Variants in TRPM6 observed in about 807,000 individuals in gnomAD.
TRPM6 encodes transient receptor potential cation channel subfamily M member 6, also known as channel kinase 2.
Under a neutral mutation model 247.6 loss-of-function variants are expected in TRPM6, and 111 were observed. The ratio of observed to expected loss-of-function variants is 0.45; its 90% CI spans 0.38 to 0.52. The LOEUF is 0.52. Among genes scored for constraint, TRPM6 ranks in the 20% least tolerant of loss-of-function variants. TRPM6 has a pLI of 0.00. For missense variants in TRPM6, 2,126 were observed against 2,421.5 expected, an observed-to-expected ratio of 0.88 and a Z score of 2.56; for synonymous variants, 892 against 853.8, an observed-to-expected ratio of 1.04 and a Z score of -0.78.
chr9:74,816,577 C>T (rs1828939378), intron 11 of TRPM6, 92 bp downstream of exon 11: 34 of 1,041,096 alleles, frequency 3.3e-5, no homozygotes, highest in East Asian at 5.0e-5. Context: ...TCTACCAAAC[C>T]AATCAATATC....
intron 3 of TRPM6, among the ~76,000 whole-genome samples, chr9:74,854,795 C>T (rs1409111132): frequency 6.6e-6 from 1 of 152,190 alleles, no homozygotes; most frequent in Non-Finnish European, 1.5e-5. Flanking sequence ...TTCCAAGTAG[C>T]TGAGTATACA....
chr9:74,766,801 T>C (rs1327868596), intron 25 of TRPM6, among the ~76,000 whole-genome samples: 2 of 151,102 alleles, frequency 1.3e-5, no homozygotes, highest in Non-Finnish European at 2.9e-5. Context: ...TCCCAGCTAC[T>C]GGGGAGGGTG....
At chr9:74,837,149 T>C (rs1033572309) in intron 5 of TRPM6, among the ~76,000 whole-genome samples, 4 of 152,228 alleles carry the variant, frequency 2.6e-5, no homozygotes, top group Non-Finnish European at 5.9e-5. Context: ...TGGCATTCAA[T>C]TTAAGTAAAT....
chr9:74,863,877 C>T (rs1267404694), intron 1 of TRPM6, among the ~76,000 whole-genome samples: 7 of 141,428 alleles, frequency 4.9e-5, no homozygotes, highest in East Asian at 4.6e-4. Flanking sequence ...TGAGCCACCG[C>T]GCCCGGCAAC....
intron 24 of TRPM6, 100 bp downstream of exon 24, chr9:74,775,783 C>A: frequency 8.3e-7 from 1 of 1,199,968 alleles, no homozygotes; most frequent in Non-Finnish European, 1.2e-6. Context: ...ACTCCCAGAG[C>A]CCCACAGTGC....
chr9:74,884,202 T>C (rs1831454755), intron 1 of TRPM6, among the ~76,000 whole-genome samples: 1 of 151,162 alleles, frequency 6.6e-6, no homozygotes, highest in African/African-American at 2.4e-5. Context: ...AATAAATACA[T>C]ATGTATGGCC....
At chr9:74,731,187 C>G (rs968128127) in intron 37 of TRPM6, among the ~76,000 whole-genome samples, 9 of 152,102 alleles carry the variant, frequency 5.9e-5, no homozygotes, top group African/African-American at 2.2e-4. Context: ...ATAGAATATT[C>G]AGGTCATATT....
intron 1 of TRPM6, among the ~76,000 whole-genome samples, chr9:74,861,341 G>A (rs1830684695): frequency 6.6e-6 from 1 of 152,114 alleles, no homozygotes. Flanking sequence ...ATAAAAAGGA[G>A]GAAACAGATA....
intron 23 of TRPM6, among the ~76,000 whole-genome samples, chr9:74,777,243 T>G (rs753074083): frequency 5.3e-5 from 8 of 152,318 alleles, no homozygotes; most frequent in Non-Finnish European, 1.0e-4. Context: ...ACAACAGCCT[T>G]CCACCAGCAG....
intron 19 of TRPM6, among the ~76,000 whole-genome samples, chr9:74,790,518 C>T (rs907075273): frequency 6.6e-6 from 1 of 152,188 alleles, no homozygotes; most frequent in African/African-American, 2.4e-5. Flanking sequence ...TCTCCTTATA[C>T]TGATTCCTTA....
rs1829886695 is a variant in TRPM6, at chr9:74,840,244, G to C, written c.331-7C>G. 1.3e-6 allele frequency: 2 copies of C among 1,584,332 alleles called. No homozygotes were observed. The highest frequency in any genetic ancestry group is 8.7e-7 in the Non-Finnish European group (1 of 1,153,350). On this transcript the variant is annotated splice_region_variant and splice_polypyrimidine_tract_variant and intron_variant, in intron 4 of 38. Transcript: ENST00000360774. Reference sequence around the variant, plus strand: ...CATAAGAAGTTCTAATATACTGCAAGAAAAGCACATGTAGGTGAACAGAAC... The same window carrying C: ...CATAAGAAGTTCTAATATACTGCAACAAAAGCACATGTAGGTGAACAGAAC...
Position 74,739,426 on chromosome 9 carries a change from A to G in TRPM6, c.5511T>C (p.Ala1837=). Residue 1837 remains alanine, a synonymous_variant, in exon 35 of 39, where the codon GCT becomes GCC. Coordinates refer to ENST00000360774, the MANE Select transcript of TRPM6 (RefSeq NM_017662.5). ...CLREIQQQRA[A]QKLIYTFNQV... is the part of the protein sequence containing the mutation. ...GGTTGAAGGTATAGATCAATTTTTG[A>G]GCAGCTCTTTGTTGTTGAATTTCCT... 2 of 1,614,082 alleles carry G rather than the reference A, an allele frequency of 1.2e-6. No homozygotes were observed. The highest frequency in any genetic ancestry group is 8.5e-7 in the Non-Finnish European group (1 of 1,179,994).
chr9:74,781,081 A>G (rs1168584252), intron 23 of TRPM6, among the ~76,000 whole-genome samples: 1 of 152,144 alleles, frequency 6.6e-6, no homozygotes, highest in Non-Finnish European at 1.5e-5. Flanking sequence ...GGCTGGGGAT[A>G]TAAATTGGGT....
Position 74,808,155 on chromosome 9 carries a change from T to C in TRPM6, c.1517A>G (p.Tyr506Cys). 2.5e-6 allele frequency: 4 copies of C among 1,613,978 alleles called. No individual in the cohort carries two copies. Among genetic ancestry groups the C allele is most frequent in the Non-Finnish European group, 3.4e-6 (4 of 1,179,904 alleles). The change falls in exon 14 of 39, where the codon TAC (tyrosine) becomes TGC (cysteine). Residue 506 changes from tyrosine to cysteine, a missense_variant. Transcript: ENST00000360774. The stretch of plus-strand genomic sequence containing the variant: ...TCCAATGTCAATCAAGGTTATTCGG[T>C]AGCCTGAAAGAAGGGTATGCTGCAA... ...DVKQHTLLSG[Y>C]RITLIDIGLV...
Position 74,739,796 on chromosome 9 carries a change from G to A in TRPM6, c.5414C>T (p.Ser1805Phe). The A allele has an allele frequency of 6.2e-7, 1 of 1,614,082 alleles. No homozygotes were observed. Among genetic ancestry groups the A allele is most frequent in the Non-Finnish European group, 8.5e-7 (1 of 1,179,998 alleles). Residue 1805 changes from serine to phenylalanine, a missense_variant, in exon 34 of 39, where the codon TCC becomes TTC. Physicochemically the swap from Ser to Phe is radical, Grantham distance 155. This residue lies in a region of TRPM6 where 327 missense variants were observed against 397.7 expected (regional missense o/e 0.82). Coordinates refer to ENST00000360774, the MANE Select transcript of TRPM6 (RefSeq NM_017662.5). ...TGTCCGCACAACCTCAGGAAGAAAG[G>A]ACTTGACAATGAAAACTTGTCCCGG... is the stretch of plus-strand genomic sequence containing the variant. ...LKPGQVFIVK[S>F]FLPEVVRTWH...
intron 33 of TRPM6, among the ~76,000 whole-genome samples, chr9:74,740,326 C>A (rs947302575): frequency 6.6e-6 from 1 of 152,178 alleles, no homozygotes; most frequent in Non-Finnish European, 1.5e-5. Flanking sequence ...AAGACAAATA[C>A]TTCTAAAGAG....
intron 27 of TRPM6, among the ~76,000 whole-genome samples, chr9:74,761,310 A>G (rs1360774877): frequency 6.6e-6 from 1 of 152,244 alleles, no homozygotes; most frequent in African/African-American, 2.4e-5. Flanking sequence ...ACTTGTACAC[A>G]AATGTTCATA....
At chr9:74,881,048 A>C (rs1379374221) in intron 1 of TRPM6, among the ~76,000 whole-genome samples, 1 of 152,200 alleles carries the variant, frequency 6.6e-6, no homozygotes, top group Non-Finnish European at 1.5e-5. Flanking sequence ...TAATCCTAGC[A>C]CTTTGGGAGG....
chr9:74,855,529 G>A lies in TRPM6; in HGVS notation c.150C>T (p.Ile50=). The A allele has an allele frequency of 6.2e-7, 1 of 1,606,380 alleles. No individual in the cohort carries two copies. The highest frequency in any genetic ancestry group is 1.1e-5 in the South Asian group (1 of 90,906). ...AATCTTGCTTATCTAAGTCTTACCT[G>A]ATTAAATTCTGGCAGACTTGGCATA... is the stretch of plus-strand genomic sequence containing the variant. The part of the protein sequence containing the change: ...TPVCQVCQNL[I]RCYCGRLIGD... Residue 50 remains isoleucine, a splice_region_variant and synonymous_variant, in exon 3 of 39, where the codon ATC becomes ATT. Coordinates refer to ENST00000360774, the MANE Select transcript of TRPM6 (RefSeq NM_017662.5).
Sources: gnomAD v4.1 joint callset for allele counts (sites outside exome capture counted in the v4.1 genomes callset) on GRCh38, gnomAD v4.1.1 for gene constraint, gnomAD v4.1.1 regional missense constraint, MANE v1.5 for transcripts, NCBI Gene and HGNC (gene_info 2026-07-23, HGNC 2026-07-21) for gene names.